The following KCNMB4 variants were observed in gnomAD, a reference collection of about 807,000 sequenced individuals.
The protein encoded by KCNMB4 is calcium-activated potassium channel subunit beta-4.
KCNMB4 carries 3 observed loss-of-function variants against 20.7 expected under a neutral mutation model. That is an observed-to-expected ratio of 0.14 (90% CI 0.07 to 0.37). The LOEUF (loss-of-function observed/expected upper bound fraction) is 0.37, where lower values mean the gene tolerates loss of function less well. KCNMB4 is among the 10% of genes least tolerant of loss of function. KCNMB4 has a pLI of 1.00. For synonymous variants in KCNMB4, 110 were observed against 113.4 expected (o/e 0.97, Z 0.19); for missense variants, 168 against 265.9 (o/e 0.63, Z 2.56).
chr12:70,408,362 TG>T (rs1460439926), intron 2 of KCNMB4, among the ~76,000 whole-genome samples: 1 of 152,212 alleles, frequency 6.6e-6, no homozygotes, highest in Non-Finnish European at 1.5e-5. Flanking sequence ...CAGATGCTCT[TG>T]AAAAGATGAA....
At chr12:70,429,414 G>C (rs1003484928) in intron 2 of KCNMB4, among the ~76,000 whole-genome samples, 28 of 152,148 alleles carry the variant, frequency 1.8e-4, no homozygotes, top group South Asian at 2.1e-4. Flanking sequence ...CGCCTGTAAT[G>C]CCAGCACTTT....
chr12:70,392,981 A>T (rs1260759878), intron 1 of KCNMB4, among the ~76,000 whole-genome samples: 3 of 151,086 alleles, frequency 2.0e-5, no homozygotes, highest in Admixed American at 1.3e-4. Context: ...TATAATAAAA[A>T]AATAATAAAA....
chr12:70,418,027 TG>T (rs1301145059), intron 2 of KCNMB4, among the ~76,000 whole-genome samples: 1 of 152,216 alleles, frequency 6.6e-6, no homozygotes, highest in Non-Finnish European at 1.5e-5. Flanking sequence ...TCAAAATTCA[TG>T]GGGAAAATGT....
intron 2 of KCNMB4, among the ~76,000 whole-genome samples, chr12:70,429,937 C>T (rs1178099614): frequency 6.6e-6 from 1 of 152,074 alleles, no homozygotes; most frequent in Non-Finnish European, 1.5e-5. Context: ...CCATTGTCTG[C>T]TTATTAATAA....
chr12:70,417,252 AAGAC>A (rs1868935568), intron 2 of KCNMB4, among the ~76,000 whole-genome samples: 2 of 152,228 alleles, frequency 1.3e-5, no homozygotes, highest in African/African-American at 4.8e-5. Flanking sequence ...GGTTTGGAGA[AAGAC>A]AGAATGTCTG....
rs377689456 is a variant in KCNMB4 at position 70,380,686 on chromosome 12, A to G, written c.336+13616A>G. On this transcript the variant is annotated intron_variant, in intron 1 of 2. Coordinates refer to ENST00000258111, the MANE Select transcript of KCNMB4 (RefSeq NM_014505.6). ...AAAACCTATACATCATGGACGGTTGATTTTTGACAAGAGTGTCAAGAGCAT... is the reference window on the plus strand; with the variant it reads ...AAAACCTATACATCATGGACGGTTGGTTTTTGACAAGAGTGTCAAGAGCAT... 6.6e-4 allele frequency among the ~76,000 whole-genome samples: 100 copies of G among 152,076 alleles called. 1 individual carries two copies. Among genetic ancestry groups the G allele is most frequent in the African/African-American group, 2.4e-3 (98 of 41,502 alleles).
rs1869340260 is a variant in KCNMB4 at position 70,430,638 on chromosome 12, G to A, written c.618G>A (p.Lys206=). The A allele has an allele frequency of 1.2e-6, 2 of 1,609,068 alleles. No individual in the cohort carries two copies. Among genetic ancestry groups the A allele is most frequent in the African/African-American group, 2.7e-5 (2 of 74,470 alleles). ...SLAVKAEAMK[K]RKFS is the part of the protein sequence containing the mutation. ...CGGTCAAGGCGGAAGCCATGAAGAAGCGCAAGTTCTCTTAAAGGGGAAGGA... is the reference window on the plus strand; with the variant it reads ...CGGTCAAGGCGGAAGCCATGAAGAAACGCAAGTTCTCTTAAAGGGGAAGGA... Residue 206 remains lysine, a synonymous_variant, in exon 3 of 3, where the codon AAG becomes AAA. Transcript: ENST00000258111.
intron 2 of KCNMB4, chr12:70,422,608 A>G (rs898396454): frequency 2.3e-6 from 2 of 874,426 alleles, no homozygotes; most frequent in Admixed American, 5.6e-5. Context: ...TCTAATTAAT[A>G]AAGCCTTTTT....
chr12:70,373,008 G>T (rs529892917), intron 1 of KCNMB4, among the ~76,000 whole-genome samples: 8 of 152,296 alleles, frequency 5.3e-5, no homozygotes, highest in South Asian at 2.1e-4. Context: ...TGTGGGGTGT[G>T]TTGGGGGATC....
chr12:70,427,527 G>A lies in KCNMB4; in HGVS notation c.465-2958G>A, dbSNP rs957379507. On this transcript the variant is annotated intron_variant, in intron 2 of 2. Coordinates refer to ENST00000258111, the MANE Select transcript of KCNMB4 (RefSeq NM_014505.6). ...ATATAACATTTGCACCTCAAAGAAC[G>A]CTTTTGAAGTAATTACAAATTCAGT... 3.9e-5 allele frequency among the ~76,000 whole-genome samples: 6 copies of A among 152,174 alleles called. No individual in the cohort carries two copies. The South Asian group carries it at 6.2e-4, about 16-fold the overall frequency.
chr12:70,370,268 A>G (rs928493715), intron 1 of KCNMB4, among the ~76,000 whole-genome samples: 1 of 152,042 alleles, frequency 6.6e-6, no homozygotes, highest in Non-Finnish European at 1.5e-5. Context: ...TTCAGATTAA[A>G]AGATATTGTT....
intron 1 of KCNMB4, among the ~76,000 whole-genome samples, chr12:70,381,200 AC>A (rs1883779948): frequency 6.6e-6 from 1 of 152,198 alleles, no homozygotes; most frequent in South Asian, 2.1e-4. Context: ...CCAATGAAAT[AC>A]CACTTCAGAT....
chr12:70,387,973 C>T (rs538033702), intron 1 of KCNMB4, among the ~76,000 whole-genome samples: 4 of 152,192 alleles, frequency 2.6e-5, no homozygotes, highest in African/African-American at 9.6e-5. Flanking sequence ...CCCCCACAGC[C>T]CTCCACTACC....
intron 1 of KCNMB4, among the ~76,000 whole-genome samples, chr12:70,379,158 G>A (rs1293671140): frequency 3.3e-5 from 5 of 152,122 alleles, no homozygotes; most frequent in African/African-American, 4.8e-5. Context: ...TTTAAGGGCC[G>A]TAGGATCTTT....
intron 1 of KCNMB4, among the ~76,000 whole-genome samples, chr12:70,367,308 C>G (rs945419907): frequency 5.9e-5 from 9 of 152,166 alleles, no homozygotes; most frequent in African/African-American, 1.9e-4. Context: ...TAAAACCTGT[C>G]TTGCCTGGTC....
At position 70,430,551 on chromosome 12, in the gene KCNMB4, C is replaced by G. The variant is rs140967177; in HGVS notation, c.531C>G (p.Pro177=). ...EIVLLHCFLW[P]LVTFVVGVLI... is the part of the protein sequence containing the mutation. ...TCCTCCTGCATTGCTTCCTCTGGCCCCTGGTGACATTTGTGGTGGGCGTTC... is the reference window on the plus strand; with the variant it reads ...TCCTCCTGCATTGCTTCCTCTGGCCGCTGGTGACATTTGTGGTGGGCGTTC... The change falls in exon 3 of 3, where the codon CCC becomes CCG. Residue 177 remains proline (P), a synonymous_variant. Coordinates refer to ENST00000258111, the MANE Select transcript of KCNMB4 (RefSeq NM_014505.6). The G allele has an allele frequency of 7.4e-5, 120 of 1,613,994 alleles. No homozygotes were observed. The African/African-American group carries it at 1.2e-3, about 17-fold the overall frequency.
intron 1 of KCNMB4, among the ~76,000 whole-genome samples, chr12:70,384,873 C>CAAAAAAAAA (rs57306622): frequency 9.4e-4 from 70 of 74,138 alleles, no homozygotes; most frequent in Middle Eastern, 0.011. Flanking sequence ...GACCCTGTCT[C>CAAAAAAAAA]AAAAAAAAAA....
At chr12:70,393,506 T>G (rs193113281) in intron 1 of KCNMB4, among the ~76,000 whole-genome samples, 1 of 152,274 alleles carries the variant, frequency 6.6e-6, no homozygotes, top group Non-Finnish European at 1.5e-5. Flanking sequence ...CCGCCGTGTT[T>G]TTATTTTCTA....
chr12:70,371,510 C>G (rs528597675), intron 1 of KCNMB4, among the ~76,000 whole-genome samples: 1 of 152,138 alleles, frequency 6.6e-6, no homozygotes, highest in Non-Finnish European at 1.5e-5. Context: ...CTAGAGACAT[C>G]CATCATATCA....
Sources: allele counts gnomAD v4.1 joint callset (sites outside exome capture counted in the v4.1 genomes callset), GRCh38; gene constraint gnomAD v4.1.1; transcripts MANE v1.5; gene names NCBI Gene and HGNC (gene_info 2026-07-23, HGNC 2026-07-21).